The following RPS6KA2 variants were observed in gnomAD, a reference collection of about 807,000 sequenced individuals.
The protein encoded by RPS6KA2 is ribosomal protein S6 kinase A2.
Under a neutral mutation model 91.8 loss-of-function variants are expected in RPS6KA2, and 42 were observed. The ratio of observed to expected loss-of-function variants is 0.46; its 90% CI spans 0.36 to 0.59. The LOEUF is 0.59. Ranked by LOEUF, RPS6KA2 falls within the 20% of genes least tolerant of loss-of-function variation. RPS6KA2 has a pLI of 0.00. For synonymous variants in RPS6KA2, 414 were observed against 393.6 expected, an observed-to-expected ratio of 1.05 and a Z score of -0.61; for missense variants, 798 against 978.5, an observed-to-expected ratio of 0.82 and a Z score of 2.46.
In RPS6KA2 at chr6:166,665,803, G is replaced by T. The variant is rs1022391823; in HGVS notation, c.124-127019C>A. 6.6e-6 allele frequency among the ~76,000 whole-genome samples: 1 copy of T among 152,146 alleles called. No individual in the cohort carries two copies. Among genetic ancestry groups the T allele is most frequent in the East Asian group, 1.9e-4 (1 of 5,172 alleles). ...TGTTCATGTCACGGAGAAGGAAGCC[G>T]AGTGAGGATGAGAAAAGCAACCTTC... is the stretch of plus-strand genomic sequence containing the variant. On this transcript the variant is annotated intron_variant, in intron 2 of 21. Coordinates refer to the RPS6KA2 transcript ENST00000503859. This position sits in a 1 kb window ranked among gnomAD's most constrained non-coding sequence, Gnocchi z 4.5.
chr6:166,470,841 A>G (rs1162886538), intron 10 of RPS6KA2, among the ~76,000 whole-genome samples: 2 of 152,208 alleles, frequency 1.3e-5, no homozygotes, highest in African/African-American at 4.8e-5. Flanking sequence ...ACTGTTCTGA[A>G]CACAAAGTCT....
At chr6:166,661,187 G>C (rs1037200534) in intron 2 of RPS6KA2, among the ~76,000 whole-genome samples, 25 of 152,048 alleles carry the variant, frequency 1.6e-4, no homozygotes, top group Non-Finnish European at 2.1e-4. Context: ...TACAACCCCT[G>C]CCTCCTGGAT....
chr6:166,835,340 G>T (rs193246592), intron 2 of RPS6KA2, among the ~76,000 whole-genome samples: 293 of 152,286 alleles, frequency 1.9e-3, no homozygotes, highest in Non-Finnish European at 3.2e-3. Flanking sequence ...GATTTTGATT[G>T]GTGTTGCATT....
chr6:166,681,895 C>T (rs1414741510), intron 2 of RPS6KA2, among the ~76,000 whole-genome samples: 2 of 152,146 alleles, frequency 1.3e-5, no homozygotes, highest in Admixed American at 6.5e-5. Flanking sequence ...GCCGAGATCC[C>T]TTGATCGGCT....
chr6:166,853,600 G>A (rs559054612), intron 2 of RPS6KA2, among the ~76,000 whole-genome samples: 69 of 148,724 alleles, frequency 4.6e-4, no homozygotes, highest in Admixed American at 6.7e-4. Context: ...CCGCCGCCAC[G>A]TCCTATCCCA....
chr6:166,454,309 C>T (rs1388466189), intron 12 of RPS6KA2, among the ~76,000 whole-genome samples: 2 of 152,176 alleles, frequency 1.3e-5, no homozygotes, highest in African/African-American at 4.8e-5. Context: ...ACCAGCCTAA[C>T]CAACATGGTG....
chr6:166,490,877 G>C lies in RPS6KA2; in HGVS notation c.748-136C>G. ...TCTCCATCAGTCAATTGTAGCCACT[G>C]GCCTACGTGCTTGGGGTACAACAGT... On this transcript the variant is annotated intron_variant, in intron 8 of 20. Coordinates refer to ENST00000265678, the MANE Select transcript of RPS6KA2 (RefSeq NM_021135.6). The surrounding 1 kb of genome is among the most constrained non-coding windows in gnomAD (Gnocchi z 4.2). 4.5e-6 allele frequency: 3 copies of C among 660,174 alleles called. No homozygotes were observed. Among genetic ancestry groups the C allele is most frequent in the Non-Finnish European group, 8.1e-6 (3 of 372,366 alleles). The allele number at this position is 660,174 out of a possible 1,614,324, so 40.9% of individuals were successfully genotyped here. A position where few individuals can be genotyped will look rare whatever the true frequency, so the allele number is the denominator to read the frequency against.
intron 2 of RPS6KA2, among the ~76,000 whole-genome samples, chr6:166,743,993 C>T (rs1401873757): frequency 1.3e-5 from 2 of 152,268 alleles, no homozygotes; most frequent in African/African-American, 2.4e-5. Context: ...TTCCGAAGAT[C>T]TGTCTTTCCT....
At position 166,648,228 on chromosome 6, in the gene RPS6KA2, GCACA is replaced by G. The variant is rs371289240; in HGVS notation, c.124-109448_124-109445del. On this transcript the variant is annotated intron_variant, in intron 2 of 21. Transcript: ENST00000503859. This position sits in a 1 kb window ranked among gnomAD's most constrained non-coding sequence, Gnocchi z 4.8. ...CACTCATGCACACACACGCACATGCGCACACACACACATTCACACAGGCACACAC... is the reference window on the plus strand; with the variant it reads ...CACTCATGCACACACACGCACATGCGCACACACATTCACACAGGCACACAC... Among the ~76,000 whole-genome samples, 23 of 146,976 alleles carry G rather than the reference GCACA, an allele frequency of 1.6e-4. No homozygotes were observed. The highest frequency in any genetic ancestry group is 5.8e-4 in the African/African-American group (23 of 39,734).
rs1273140067 is a variant in RPS6KA2 at position 166,825,921 on chromosome 6, C to G, written c.123+32279G>C. 6.6e-6 allele frequency among the ~76,000 whole-genome samples: 1 copy of G among 152,198 alleles called. No individual in the cohort carries two copies. The highest frequency in any genetic ancestry group is 2.4e-5 in the African/African-American group (1 of 41,452). ...GGAAGGAACAGATTCCTCCACTGGG[C>G]TGTCATCTGAGCTCCTGCCTTTCAC... On this transcript the variant is annotated intron_variant, in intron 2 of 21. Coordinates refer to the RPS6KA2 transcript ENST00000503859. The surrounding 1 kb of genome is among the most constrained non-coding windows in gnomAD (Gnocchi z 4.1).
chr6:166,727,632 C>T (rs1040258562), intron 2 of RPS6KA2, among the ~76,000 whole-genome samples: 7 of 152,046 alleles, frequency 4.6e-5, no homozygotes, highest in Non-Finnish European at 7.4e-5. Flanking sequence ...CCCTAAGGCA[C>T]CAGCATCCTG....
rs1371812968 is a variant in RPS6KA2, at chr6:166,852,270, A to G, written c.123+5930T>C. 2.0e-5 allele frequency among the ~76,000 whole-genome samples: 3 copies of G among 152,224 alleles called. No homozygotes were observed. On this transcript the variant is annotated intron_variant, in intron 2 of 21. Coordinates refer to the RPS6KA2 transcript ENST00000503859. The surrounding 1 kb of genome is among the most constrained non-coding windows in gnomAD (Gnocchi z 4.1). ...CACAGAGACAGATTCACAGGAGGTA[A>G]TAAGCAGGGCCTGGAAGATTGTTTT...
At chr6:166,574,157 A>T (rs73036872) in intron 1 of RPS6KA2, among the ~76,000 whole-genome samples, 14,261 of 152,078 alleles carry the variant, frequency 0.094, 866 homozygotes, top group East Asian at 0.24. Context: ...TTAATTTTTT[A>T]AATTCTTTAA....
chr6:166,582,592 A>T (rs1785056479), intron 1 of RPS6KA2, among the ~76,000 whole-genome samples: 1 of 152,240 alleles, frequency 6.6e-6, no homozygotes, highest in Admixed American at 6.5e-5. Context: ...ATTTTTATCA[A>T]ATTCATAACA....
Position 166,718,335 on chromosome 6 carries a change from C to T in RPS6KA2, c.123+139865G>A, listed in dbSNP as rs569853134. On this transcript the variant is annotated intron_variant, in intron 2 of 21. Transcript: ENST00000503859. ...TGGGGGGAGGTTAGTCCCCACAGTG[C>T]CGATGTAGGAAATAATGCTCAGCCT... Among the ~76,000 whole-genome samples the T allele has an allele frequency of 1.6e-3, 239 of 152,094 alleles. 1 individual carries two copies. Among genetic ancestry groups the T allele is most frequent in the African/African-American group, 5.5e-3 (229 of 41,466 alleles).
chr6:166,461,088 C>G (rs892645123), intron 11 of RPS6KA2, among the ~76,000 whole-genome samples: 2 of 152,038 alleles, frequency 1.3e-5, no homozygotes, highest in African/African-American at 4.8e-5. Context: ...CGAGCTCCCC[C>G]GGGGGCTTAT....
chr6:166,574,336 C>T (rs1157334552), intron 1 of RPS6KA2, among the ~76,000 whole-genome samples: 1 of 152,134 alleles, frequency 6.6e-6, no homozygotes, highest in Non-Finnish European at 1.5e-5. Flanking sequence ...CCAGCAGCCC[C>T]CAGCGTCTGT....
At chr6:166,461,511 AGAGAGAGATGGG>A (rs1432288744) in intron 11 of RPS6KA2, among the ~76,000 whole-genome samples, 5,369 of 114,502 alleles carry the variant, frequency 0.047, 393 homozygotes, top group African/African-American at 0.17. Flanking sequence ...AGAGAGAGAG[AGAGAGAGATGGG>A]GAGAGATGGG....
chr6:166,500,436 A>G lies in RPS6KA2; in HGVS notation c.604+451T>C, dbSNP rs1781985262. On this transcript the variant is annotated intron_variant, in intron 7 of 20. Transcript: ENST00000265678. This position sits in a 1 kb window ranked among gnomAD's most constrained non-coding sequence, Gnocchi z 4.3. ...CCACCACCACGGTCCAGGGAGTGAG[A>G]AGGAGGCAGGGACAGCATCAGTGAG... 6.6e-6 allele frequency among the ~76,000 whole-genome samples: 1 copy of G among 152,166 alleles called. No homozygotes were observed. Among genetic ancestry groups the G allele is most frequent in the South Asian group, 2.1e-4 (1 of 4,826 alleles).
Sources: allele counts gnomAD v4.1 joint callset (sites outside exome capture counted in the v4.1 genomes callset), GRCh38; gene constraint gnomAD v4.1.1; non-coding constraint Gnocchi (gnomAD v3.1); transcripts MANE v1.5; gene names NCBI Gene and HGNC (gene_info 2026-07-23, HGNC 2026-07-21).